The following SLC25A48 variants were observed in gnomAD, a reference collection of about 807,000 sequenced individuals.
SLC25A48 encodes the protein solute carrier family 25 member 48, also known as CTC-321K16.1.
Under a neutral mutation model 32.2 loss-of-function variants are expected in SLC25A48, and 29 were observed. The ratio of observed to expected loss-of-function variants is 0.90; its 90% CI spans 0.67 to 1.23. The LOEUF (loss-of-function observed/expected upper bound fraction) is 1.23. SLC25A48 is among the 50% of genes most tolerant of loss of function. The probability of loss-of-function intolerance (pLI) is 0.00; values close to 1 mark genes in which losing one functional copy is unlikely to be tolerated. For synonymous variants in SLC25A48, 164 were observed against 172.3 expected (o/e 0.95, Z 0.38); for missense variants, 399 against 422.7 (o/e 0.94, Z 0.49).
At chr5:135,645,212 A>G (rs562060573) in intron 3 of SLC25A48, among the ~76,000 whole-genome samples, 3 of 152,328 alleles carry the variant, frequency 2.0e-5, no homozygotes, top group Non-Finnish European at 4.4e-5. Context: ...GTTTGAGTGT[A>G]CAGATGTGGA....
chr5:135,840,263 G>A (rs1293062514), intron 1 of SLC25A48, among the ~76,000 whole-genome samples: 1 of 152,060 alleles, frequency 6.6e-6, no homozygotes, highest in Non-Finnish European at 1.5e-5. Context: ...ATGCATTACT[G>A]GATTTCATTC....
Position 135,763,045 on chromosome 5 carries a change from C to T in SLC25A48, c.-520-49478C>T, listed in dbSNP as rs951813836. On this transcript the variant is annotated intron_variant, in intron 3 of 10. Transcript: ENST00000646290. ...AGAGTGAACCTGGAGGGGCGTGAGGCTGTGTGTCAGTGTGGGTGAATATGT... is the reference window on the plus strand; with the variant it reads ...AGAGTGAACCTGGAGGGGCGTGAGGTTGTGTGTCAGTGTGGGTGAATATGT... 3.3e-5 allele frequency among the ~76,000 whole-genome samples: 5 copies of T among 151,790 alleles called. No individual in the cohort carries two copies. The East Asian group carries it at 9.7e-4, about 29-fold the overall frequency.
intron 3 of SLC25A48, among the ~76,000 whole-genome samples, chr5:135,647,417 T>A (rs1752989211): frequency 6.6e-6 from 1 of 152,156 alleles, no homozygotes; most frequent in South Asian, 2.1e-4. Flanking sequence ...CACAGCACAG[T>A]CATGCATGGG....
At chr5:135,883,456 A>G (rs568043999) in intron 7 of SLC25A48, 5 of 985,440 alleles carry the variant, frequency 5.1e-6, no homozygotes, top group East Asian at 2.3e-4. Context: ...ACCTCTTCAC[A>G]TTGTTTCTCT....
intron 1 of SLC25A48, among the ~76,000 whole-genome samples, chr5:135,595,984 G>A: frequency 6.6e-6 from 1 of 152,138 alleles, no homozygotes; most frequent in East Asian, 1.9e-4. Context: ...ATCATCAGGT[G>A]CTTTCTGTTT....
chr5:135,799,021 G>A (rs1257357659), intron 3 of SLC25A48, among the ~76,000 whole-genome samples: 4 of 151,600 alleles, frequency 2.6e-5, no homozygotes, highest in Admixed American at 1.3e-4. Context: ...CTGTGATATC[G>A]TTTTTAATAT....
intron 3 of SLC25A48, among the ~76,000 whole-genome samples, chr5:135,744,307 G>C (rs970531844): frequency 5.3e-5 from 8 of 152,054 alleles, no homozygotes; most frequent in African/African-American, 1.9e-4. Context: ...TGGTAGAGAT[G>C]GTTCAGTCTC....
chr5:135,639,519 G>T (rs1330837197), intron 3 of SLC25A48, among the ~76,000 whole-genome samples: 3 of 152,200 alleles, frequency 2.0e-5, no homozygotes, highest in Admixed American at 6.5e-5. Context: ...CAGTGTTTGT[G>T]TATAGGCGGG....
At chr5:135,808,451 T>C (rs1031584068) in intron 3 of SLC25A48, among the ~76,000 whole-genome samples, 1 of 152,042 alleles carries the variant, frequency 6.6e-6, no homozygotes, top group African/African-American at 2.4e-5. Flanking sequence ...AAACTTTTTT[T>C]CCCTCACCTC....
At chr5:135,824,287 A>T (rs1329589937) in intron 4 of SLC25A48, 1 of 152,300 alleles carries the variant, frequency 6.6e-6, no homozygotes, top group Non-Finnish European at 1.5e-5. Context: ...AACCACAGTC[A>T]GGTTTGGGCT....
intron 1 of SLC25A48, among the ~76,000 whole-genome samples, chr5:135,606,422 G>T (rs1328501190): frequency 6.6e-6 from 1 of 152,150 alleles, no homozygotes; most frequent in Non-Finnish European, 1.5e-5. Flanking sequence ...CCTCTAAGTG[G>T]ACAAATAACT....
intron 3 of SLC25A48, among the ~76,000 whole-genome samples, chr5:135,725,593 G>GT (rs755875919): frequency 2.0e-5 from 3 of 152,170 alleles, no homozygotes; most frequent in Non-Finnish European, 2.9e-5. Flanking sequence ...CAAGTTACCT[G>GT]TTTGGGCTGT....
chr5:135,579,518 C>T (rs1474981313), exon 1 of SLC25A48: 1 of 152,404 alleles, frequency 6.6e-6, no homozygotes, highest in Admixed American at 6.5e-5. Flanking sequence ...GAACACAAGG[C>T]CAGTTCTGGA....
At chr5:135,692,711 A>G (rs1474403066) in intron 3 of SLC25A48, among the ~76,000 whole-genome samples, 1 of 152,228 alleles carries the variant, frequency 6.6e-6, no homozygotes, top group Non-Finnish European at 1.5e-5. Flanking sequence ...AAAGTTACAT[A>G]GCAGAGTATC....
intron 1 of SLC25A48, among the ~76,000 whole-genome samples, chr5:135,597,394 T>C (rs1457362877): frequency 6.6e-6 from 1 of 152,178 alleles, no homozygotes; most frequent in Non-Finnish European, 1.5e-5. Context: ...GCTACCTGCC[T>C]CCGACCTGCC....
chr5:135,704,604 T>G (rs1467920386), intron 3 of SLC25A48, among the ~76,000 whole-genome samples: 1 of 152,250 alleles, frequency 6.6e-6, no homozygotes, highest in Admixed American at 6.5e-5. Flanking sequence ...TAATATTTAC[T>G]GTGTTCCAGG....
At chr5:135,723,151 T>A (rs1755000625) in intron 3 of SLC25A48, among the ~76,000 whole-genome samples, 1 of 152,188 alleles carries the variant, frequency 6.6e-6, no homozygotes, top group African/African-American at 2.4e-5. Flanking sequence ...CAAGCTCAAT[T>A]CCAAAGTCTG....
upstream of SLC25A48, among the ~76,000 whole-genome samples, chr5:135,833,037 C>G (rs377647781): frequency 6.6e-6 from 1 of 152,246 alleles, no homozygotes; most frequent in African/African-American, 2.4e-5. Context: ...GGCCACAGAG[C>G]CAGCATTCTG....
intron 3 of SLC25A48, among the ~76,000 whole-genome samples, chr5:135,754,685 T>G (rs1363090397): frequency 6.6e-6 from 1 of 152,020 alleles, no homozygotes; most frequent in African/African-American, 2.4e-5. Context: ...TAATGAAACA[T>G]TGCTCTGATA....
Sources: allele counts gnomAD v4.1 joint callset (sites outside exome capture counted in the v4.1 genomes callset), GRCh38; gene constraint gnomAD v4.1.1; transcripts MANE v1.5; gene names NCBI Gene and HGNC (gene_info 2026-07-23, HGNC 2026-07-21).